Variants in PRUNE2 observed in about 807,000 individuals in gnomAD.
PRUNE2 encodes the protein prune homolog 2 with BCH domain.
A neutral mutation model predicts 252.0 loss-of-function variants in PRUNE2; 164 were observed. That is an observed-to-expected ratio of 0.65 (90% CI 0.57 to 0.74). The LOEUF (loss-of-function observed/expected upper bound fraction) is 0.74. Ranked by LOEUF, PRUNE2 falls within the 30% of genes least tolerant of loss-of-function variation. The pLI is 0.00. For synonymous variants in PRUNE2, 1,292 were observed against 1,350.2 expected (o/e 0.96, Z 0.94); for missense variants, 3,495 against 3,711.0 (o/e 0.94, Z 1.51).
At chr9:76,689,785 T>C (rs926155704) in intron 9 of PRUNE2, among the ~76,000 whole-genome samples, 1 of 152,214 alleles carries the variant, frequency 6.6e-6, no homozygotes, top group Non-Finnish European at 1.5e-5. Context: ...TAACTAGGAC[T>C]CATTTTCTGC....
At chr9:76,898,298 C>T (rs115678398) in intron 1 of PRUNE2, among the ~76,000 whole-genome samples, 1 of 152,176 alleles carries the variant, frequency 6.6e-6, no homozygotes, top group African/African-American at 2.4e-5. Flanking sequence ...GGGACTGCCT[C>T]ACAGTTCCCC....
In PRUNE2 at chr9:76,850,541, C is replaced by T. The variant is rs775774530; in HGVS notation, c.266G>A (p.Arg89Gln). 1.8e-5 allele frequency: 29 copies of T among 1,613,772 alleles called. No individual in the cohort carries two copies. Among genetic ancestry groups the T allele is most frequent in the East Asian group, 8.9e-5 (4 of 44,880 alleles). ...TAGCTGATGCAGGTTAATTTCATCC[C>T]GGAATATGTGGAATGATTCGGAAAT... is the stretch of plus-strand genomic sequence containing the variant. Reference protein sequence around the residue: ...LNISESFHIFRDEINLHQLND... With the variant: ...LNISESFHIFQDEINLHQLND... Residue 89 changes from arginine to glutamine, a missense_variant, in exon 3 of 19, where the codon CGG becomes CAG. Physicochemically the swap from Arg to Gln is conservative, Grantham distance 43. Transcript: ENST00000376718.
intron 1 of PRUNE2, among the ~76,000 whole-genome samples, chr9:76,895,757 G>A (rs2133602727): frequency 6.6e-6 from 1 of 152,114 alleles, no homozygotes; most frequent in African/African-American, 2.4e-5. Flanking sequence ...CACTTACTGG[G>A]GGCCCAGATC....
intron 6 of PRUNE2, among the ~76,000 whole-genome samples, chr9:76,755,491 C>G (rs1221703897): frequency 6.6e-6 from 1 of 152,098 alleles, no homozygotes; most frequent in Admixed American, 6.5e-5. Flanking sequence ...GCTAAGCATT[C>G]AAGAAGCTAC....
intron 1 of PRUNE2, among the ~76,000 whole-genome samples, chr9:76,871,229 G>A (rs2061177847): frequency 2.0e-5 from 3 of 152,174 alleles, no homozygotes; most frequent in Non-Finnish European, 4.4e-5. Flanking sequence ...CAAAAAAATG[G>A]ATGGTTGTAT....
intron 9 of PRUNE2, among the ~76,000 whole-genome samples, chr9:76,703,083 G>C (rs2046021479): frequency 7.0e-6 from 1 of 143,112 alleles, no homozygotes. Context: ...ATTCAAGTAG[G>C]TGGGGTGGCA....
At chr9:76,785,490 A>G (rs947288090) in intron 6 of PRUNE2, 1 of 152,218 alleles carries the variant, frequency 6.6e-6, no homozygotes, top group Admixed American at 6.5e-5. Flanking sequence ...CTCTATCACA[A>G]TATCCAACAA....
Position 76,720,115 on chromosome 9 carries a change from T to C in PRUNE2, c.757-6394A>G, listed in dbSNP as rs552150508. Among the ~76,000 whole-genome samples the C allele has an allele frequency of 4.7e-4, 61 of 130,398 alleles. No homozygotes were observed. In the South Asian group the frequency reaches 0.011, roughly 24 times the overall value. The allele number at this position is 130,398 out of a possible 152,430, so 85.5% of individuals were successfully genotyped here. A position where few individuals can be genotyped will look rare whatever the true frequency, so the allele number is the denominator to read the frequency against. On this transcript the variant is annotated intron_variant, in intron 6 of 18. Transcript: ENST00000376718. ...ATGGTCACACAAAGGATTGTTAAAC[T>C]GCTATTAAAAGTTATGCTATCAAAG...
chr9:76,754,191 G>A (rs2050895762), intron 6 of PRUNE2, among the ~76,000 whole-genome samples: 1 of 152,170 alleles, frequency 6.6e-6, no homozygotes, highest in African/African-American at 2.4e-5. Context: ...GGATGCACAT[G>A]TGAGTGAACA....
At chr9:76,648,062 G>A (rs1845710738) in intron 11 of PRUNE2, among the ~76,000 whole-genome samples, 1 of 152,138 alleles carries the variant, frequency 6.6e-6, no homozygotes, top group South Asian at 2.1e-4. Flanking sequence ...AGGTAAGCAT[G>A]TGAAAAGATA....
intron 9 of PRUNE2, among the ~76,000 whole-genome samples, chr9:76,668,806 C>A (rs2040727518): frequency 1.3e-5 from 2 of 151,448 alleles, no homozygotes; most frequent in African/African-American, 4.8e-5. Flanking sequence ...TGGGAGGCAT[C>A]GTCGTTTGGA....
chr9:76,817,276 C>T (rs921888637), intron 6 of PRUNE2, among the ~76,000 whole-genome samples: 2 of 152,144 alleles, frequency 1.3e-5, no homozygotes, highest in African/African-American at 4.8e-5. Flanking sequence ...ATACACAGGG[C>T]TAGAATAGGA....
chr9:76,754,579 AT>A (rs1305275129), intron 6 of PRUNE2, among the ~76,000 whole-genome samples: 1 of 152,178 alleles, frequency 6.6e-6, no homozygotes, highest in East Asian at 1.9e-4. Flanking sequence ...TTGTGGAGCT[AT>A]GGTGGCAGTT....
intron 6 of PRUNE2, among the ~76,000 whole-genome samples, chr9:76,797,859 G>A (rs1386240133): frequency 1.3e-5 from 2 of 152,310 alleles, no homozygotes; most frequent in East Asian, 3.9e-4. Flanking sequence ...GGGTCTGAAG[G>A]GGAGTAGGAA....
At chr9:76,618,922 G>A (rs952058894) in intron 18 of PRUNE2, among the ~76,000 whole-genome samples, 27 of 152,124 alleles carry the variant, frequency 1.8e-4, no homozygotes, top group African/African-American at 6.0e-4. Flanking sequence ...ATACAGGCTC[G>A]AATTCCTCCT....
At chr9:76,904,546 A>G (rs1013235989) in intron 1 of PRUNE2, among the ~76,000 whole-genome samples, 77 of 152,230 alleles carry the variant, frequency 5.1e-4, no homozygotes, top group African/African-American at 1.9e-3. Context: ...TTTCTCCTTC[A>G]TTACTAGGTA....
chr9:76,686,391 G>C (rs1445215166), intron 9 of PRUNE2, among the ~76,000 whole-genome samples: 1 of 152,198 alleles, frequency 6.6e-6, no homozygotes, highest in Non-Finnish European at 1.5e-5. Context: ...AACTTGGTGA[G>C]ACACTCATCA....
chr9:76,781,847 C>T (rs1278036214), intron 6 of PRUNE2, among the ~76,000 whole-genome samples: 1 of 152,102 alleles, frequency 6.6e-6, no homozygotes, highest in Non-Finnish European at 1.5e-5. Flanking sequence ...CTATAACCAA[C>T]GTGTACAGCA....
At chr9:76,622,198 A>G (rs1832672212) in intron 17 of PRUNE2, among the ~76,000 whole-genome samples, 1 of 152,222 alleles carries the variant, frequency 6.6e-6, no homozygotes, top group African/African-American at 2.4e-5. Context: ...TGTACCAGGC[A>G]CGAGCATAGT....
Sources: gnomAD v4.1 joint callset for allele counts (sites outside exome capture counted in the v4.1 genomes callset) on GRCh38, gnomAD v4.1.1 for gene constraint, MANE v1.5 for transcripts, NCBI Gene and HGNC (gene_info 2026-07-23, HGNC 2026-07-21) for gene names.